ADGRG6: variants seen among roughly 807,000 people sequenced by gnomAD.
ADGRG6 encodes the protein G-protein coupled receptor 126.
In ADGRG6, 84 loss-of-function variants were observed where a neutral mutation model predicts 142.4. The observed-to-expected ratio is 0.59, with a 90% CI of 0.49 to 0.71. ADGRG6 has a LOEUF of 0.71. ADGRG6 is among the 30% of genes least tolerant of loss of function. The probability of loss-of-function intolerance (pLI) is 0.00; values close to 1 mark genes in which losing one functional copy is unlikely to be tolerated. For synonymous variants in ADGRG6, 521 were observed against 520.5 expected (o/e 1.00, Z -0.01); for missense variants, 1,367 against 1,466.6 (o/e 0.93, Z 1.11).
intron 22 of ADGRG6, among the ~76,000 whole-genome samples, chr6:142,429,528 G>A (rs1777112174): frequency 6.6e-6 from 1 of 152,274 alleles, no homozygotes; most frequent in Admixed American, 6.5e-5. Flanking sequence ...GATTTAAGAA[G>A]TTTCCAGAGA....
chr6:142,368,240 A>G (rs1781048833), intron 3 of ADGRG6, among the ~76,000 whole-genome samples: 1 of 152,226 alleles, frequency 6.6e-6, no homozygotes, highest in South Asian at 2.1e-4. Context: ...AATTTAAAAC[A>G]TCCCTATTTA....
chr6:142,437,361 C>A (rs1463814448), intron 22 of ADGRG6, 73 bp from the exon 23 acceptor site: 1 of 714,280 alleles, frequency 1.4e-6, no homozygotes, highest in Non-Finnish European at 2.4e-6. Flanking sequence ...TAAAATGAAT[C>A]CATGTATTTT....
chr6:142,422,108 A>C (rs1006302245), intron 22 of ADGRG6, among the ~76,000 whole-genome samples: 2 of 152,174 alleles, frequency 1.3e-5, no homozygotes, highest in Admixed American at 1.3e-4. Flanking sequence ...TGATTCAGTG[A>C]ATGCAAAATG....
chr6:142,328,068 A>T (rs1778864760), intron 2 of ADGRG6, among the ~76,000 whole-genome samples: 1 of 152,166 alleles, frequency 6.6e-6, no homozygotes, highest in Non-Finnish European at 1.5e-5. Context: ...CAGAAACAAA[A>T]CAGAACGCAG....
At chr6:142,397,510 C>T in intron 9 of ADGRG6, 103 bp from the exon 10 acceptor site, 1 of 973,118 alleles carries the variant, frequency 1.0e-6, no homozygotes, top group Non-Finnish European at 1.6e-6. Flanking sequence ...TCAGTCTCAA[C>T]AGGTGATGGT....
chr6:142,442,780 G>A (rs1028303838), intron 24 of ADGRG6, among the ~76,000 whole-genome samples: 1 of 151,822 alleles, frequency 6.6e-6, no homozygotes, highest in African/African-American at 2.4e-5. Context: ...TCATTTGCTT[G>A]TATTCTCCAA....
intron 20 of ADGRG6, 180 bp from the exon 21 acceptor site, chr6:142,417,093 A>G: frequency 1.5e-6 from 1 of 653,998 alleles, no homozygotes; most frequent in East Asian, 2.8e-5. Context: ...TTGAACCCCA[A>G]GGAGGGGATT....
chr6:142,328,110 T>G (rs1023626087), intron 2 of ADGRG6, among the ~76,000 whole-genome samples: 1 of 152,182 alleles, frequency 6.6e-6, no homozygotes, highest in Non-Finnish European at 1.5e-5. Flanking sequence ...AGTCATTGTT[T>G]TTTCCATTAT....
At chr6:142,314,849 G>T (rs1367406988) in intron 2 of ADGRG6, among the ~76,000 whole-genome samples, 1 of 152,100 alleles carries the variant, frequency 6.6e-6, no homozygotes, top group Non-Finnish European at 1.5e-5. Flanking sequence ...ATTGTCCAAA[G>T]ATAAACCTAG....
intron 2 of ADGRG6, among the ~76,000 whole-genome samples, chr6:142,327,772 C>T (rs1352180040): frequency 1.3e-5 from 2 of 152,098 alleles, no homozygotes; most frequent in Admixed American, 6.6e-5. Flanking sequence ...AATATGCCTC[C>T]ATGACTCATT....
At chr6:142,410,784 A>G (rs9496372) in intron 17 of ADGRG6, among the ~76,000 whole-genome samples, 2,533 of 152,200 alleles carry the variant, frequency 0.017, 78 homozygotes, top group African/African-American at 0.057. Context: ...TACATTGACA[A>G]TATGCATTGC....
chr6:142,377,772 A>C (rs545291450), intron 4 of ADGRG6, among the ~76,000 whole-genome samples: 1 of 152,354 alleles, frequency 6.6e-6, no homozygotes, highest in South Asian at 2.1e-4. Context: ...AGATATGCTG[A>C]AAATGGAACT....
At chr6:142,317,716 A>ATGT (rs1778154871) in intron 2 of ADGRG6, among the ~76,000 whole-genome samples, 1 of 106,818 alleles carries the variant, frequency 9.4e-6, no homozygotes, top group African/African-American at 4.5e-5. Context: ...ATATATATTT[A>ATGT]TATTATATAT....
At chr6:142,420,130 C>T (rs751049590) in intron 22 of ADGRG6, 26 bp downstream of exon 22, 1 of 1,560,700 alleles carries the variant, frequency 6.4e-7, no homozygotes, top group Non-Finnish European at 8.8e-7. Flanking sequence ...CATGAATAGT[C>T]TCTGCTTTCT....
chr6:142,327,463 C>G (rs990072515), intron 2 of ADGRG6, among the ~76,000 whole-genome samples: 4 of 151,986 alleles, frequency 2.6e-5, no homozygotes, highest in African/African-American at 4.8e-5. Context: ...ATAGAGTAAA[C>G]CTCTGAGGCT....
chr6:142,366,430 C>G (rs541704264), intron 2 of ADGRG6, among the ~76,000 whole-genome samples: 1 of 152,262 alleles, frequency 6.6e-6, no homozygotes, highest in South Asian at 2.1e-4. Flanking sequence ...ATGGCATGCT[C>G]CTTCACATCA....
chr6:142,437,329 T>C (rs1025018045), intron 22 of ADGRG6, 105 bp from the exon 23 acceptor site: 2 of 592,754 alleles, frequency 3.4e-6, no homozygotes, highest in Non-Finnish European at 6.0e-6. Flanking sequence ...TCTTAGTGCC[T>C]TTGATGTAAA....
At chr6:142,308,201 C>G (rs1472285368) in intron 1 of ADGRG6, among the ~76,000 whole-genome samples, 1 of 151,916 alleles carries the variant, frequency 6.6e-6, no homozygotes, top group Admixed American at 6.6e-5. Flanking sequence ...TGAAAGGCAT[C>G]GTCTTATGTA....
At chr6:142,310,401 A>G (rs984150238) in intron 2 of ADGRG6, among the ~76,000 whole-genome samples, 2 of 151,640 alleles carry the variant, frequency 1.3e-5, no homozygotes, top group Admixed American at 6.6e-5. Context: ...CTCCTGGTGT[A>G]TGTATTAGGC....
Sources: gnomAD v4.1 joint callset for allele counts (sites outside exome capture counted in the v4.1 genomes callset) on GRCh38, gnomAD v4.1.1 for gene constraint, MANE v1.5 for transcripts, NCBI Gene and HGNC (gene_info 2026-07-23, HGNC 2026-07-21) for gene names.